The following FYB1 variants were observed in gnomAD, a reference collection of about 807,000 sequenced individuals.
FYB1 encodes the protein FYN binding protein 1, also known as FYN-binding protein 1.
Under a neutral mutation model 94.1 loss-of-function variants are expected in FYB1, and 41 were observed. The observed-to-expected ratio is 0.44, with a 90% CI of 0.34 to 0.57. The LOEUF (loss-of-function observed/expected upper bound fraction) is 0.57, where lower values mean the gene tolerates loss of function less well. FYB1 is among the 20% of genes least tolerant of loss of function. The pLI is 0.02. For synonymous variants in FYB1, 367 were observed against 353.2 expected, an observed-to-expected ratio of 1.04 and a Z score of -0.44; for missense variants, 1,050 against 976.8, an observed-to-expected ratio of 1.07 and a Z score of -1.00.
intron 1 of FYB1, among the ~76,000 whole-genome samples, chr5:39,248,378 A>T (rs771778332): frequency 6.6e-6 from 1 of 152,082 alleles, no homozygotes; most frequent in Non-Finnish European, 1.5e-5. Flanking sequence ...CAGTTCTTTG[A>T]GGTGGGGAGA....
chr5:39,114,990 G>C (rs1438122452), intron 16 of FYB1, among the ~76,000 whole-genome samples: 1 of 152,070 alleles, frequency 6.6e-6, no homozygotes, highest in Non-Finnish European at 1.5e-5. Flanking sequence ...GTGGCTAGGA[G>C]TAGGTACTGG....
At chr5:39,198,225 G>A (rs920527575) in intron 2 of FYB1, among the ~76,000 whole-genome samples, 2 of 152,116 alleles carry the variant, frequency 1.3e-5, no homozygotes, top group Non-Finnish European at 2.9e-5. Context: ...CACGGAAAGA[G>A]GTAAAGCGAA....
At chr5:39,233,719 G>T (rs1306411182) in intron 1 of FYB1, among the ~76,000 whole-genome samples, 1 of 152,090 alleles carries the variant, frequency 6.6e-6, no homozygotes, top group Non-Finnish European at 1.5e-5. Context: ...TGTTTGCTCT[G>T]CATTCAGTCT....
chr5:39,127,336 G>A, intron 11 of FYB1, among the ~76,000 whole-genome samples: 1 of 150,780 alleles, frequency 6.6e-6, no homozygotes, highest in East Asian at 1.9e-4. Context: ...AAACTCTTCA[G>A]GGATTGTTGT....
chr5:39,242,246 T>A (rs1236314505), intron 1 of FYB1, among the ~76,000 whole-genome samples: 3 of 151,810 alleles, frequency 2.0e-5, no homozygotes, highest in Non-Finnish European at 4.4e-5. Flanking sequence ...CCTATTAACT[T>A]GTCATTTACA....
chr5:39,168,687 TAAA>T (rs1474754442), intron 2 of FYB1, among the ~76,000 whole-genome samples: 1 of 152,216 alleles, frequency 6.6e-6, no homozygotes. Context: ...AAAATTAAGT[TAAA>T]AACCGTAGTC....
At chr5:39,137,753 T>A (rs1453194409) in intron 6 of FYB1, 33 bp from the exon 7 acceptor site, 2 of 1,550,016 alleles carry the variant, frequency 1.3e-6, no homozygotes, top group African/African-American at 2.7e-5. Flanking sequence ...TGTTTTCACA[T>A]CTGCAGGTGT....
chr5:39,131,273 A>G (rs116828405), intron 9 of FYB1, among the ~76,000 whole-genome samples: 4,241 of 152,248 alleles, frequency 0.028, 96 homozygotes, highest in Non-Finnish European at 0.039. Flanking sequence ...CTGTGAGATC[A>G]AAGGAAATGT....
rs1353948241 is a variant in FYB1 at position 39,126,152 on chromosome 5, C to T, written c.1908-17G>A. 1.2e-6 allele frequency: 2 copies of T among 1,611,700 alleles called. No homozygotes were observed. Among genetic ancestry groups the T allele is most frequent in the African/African-American group, 2.7e-5 (2 of 74,892 alleles). ...AGTGTGGAGCTTTGGAGCATGCAGG[C>T]ATTGATCAGAATGTAATAATCAGCG... On this transcript the variant is annotated splice_polypyrimidine_tract_variant and intron_variant, in intron 11 of 18. Transcript: ENST00000512982.
At chr5:39,120,942 T>C (rs1740036132) in intron 14 of FYB1, among the ~76,000 whole-genome samples, 1 of 151,972 alleles carries the variant, frequency 6.6e-6, no homozygotes, top group Non-Finnish European at 1.5e-5. Flanking sequence ...ACGTGAAAGT[T>C]AGAAATGCCC....
At chr5:39,257,873 AC>A (rs1752026356) in intron 1 of FYB1, among the ~76,000 whole-genome samples, 1 of 152,062 alleles carries the variant, frequency 6.6e-6, no homozygotes, top group Non-Finnish European at 1.5e-5. Flanking sequence ...TGGCACTCAA[AC>A]AGCTGCATAC....
chr5:39,121,399 C>T (rs1004827282), intron 14 of FYB1, among the ~76,000 whole-genome samples: 2 of 152,020 alleles, frequency 1.3e-5, no homozygotes, highest in African/African-American at 4.8e-5. Context: ...CCTTCAGAGT[C>T]TTTGATTTTG....
At chr5:39,251,532 G>A (rs1302055711) in intron 1 of FYB1, among the ~76,000 whole-genome samples, 1 of 152,106 alleles carries the variant, frequency 6.6e-6, no homozygotes, top group Non-Finnish European at 1.5e-5. Flanking sequence ...AATAGGTAGG[G>A]CTACTTGAGT....
chr5:39,236,987 C>T (rs1247888830), intron 1 of FYB1, among the ~76,000 whole-genome samples: 1 of 152,066 alleles, frequency 6.6e-6, no homozygotes, highest in Non-Finnish European at 1.5e-5. Flanking sequence ...GGAAGTTGCA[C>T]AAATATAAGA....
chr5:39,230,112 A>G (rs543150489), intron 1 of FYB1, among the ~76,000 whole-genome samples: 1 of 152,324 alleles, frequency 6.6e-6, no homozygotes, highest in African/African-American at 2.4e-5. Context: ...TATCCCAGGA[A>G]CTGTGAATAT....
In FYB1 at chr5:39,141,022, A is replaced by G. The variant is rs531643230; in HGVS notation, c.1339+73T>C. 3.2e-5 allele frequency: 33 copies of G among 1,037,218 alleles called. No individual in the cohort carries two copies. In the African/African-American group the frequency reaches 3.2e-4, roughly 10 times the overall value. The allele number at this position is 1,037,218 out of a possible 1,614,324, so 64.3% of individuals were successfully genotyped here. On this transcript the variant is annotated intron_variant, in intron 4 of 18. Transcript: ENST00000512982. The stretch of plus-strand genomic sequence containing the variant: ...ATGATAATGACCCATTAATGAGCCT[A>G]TAAGAATGAATAGCTCAAACTTCTG...
chr5:39,119,695 A>G (rs933908243), intron 14 of FYB1, 61 bp from the exon 15 acceptor site: 7 of 1,380,748 alleles, frequency 5.1e-6, no homozygotes, highest in Admixed American at 7.1e-5. Context: ...AGAATAGTCC[A>G]TAACAGAGAC....
intron 1 of FYB1, among the ~76,000 whole-genome samples, chr5:39,204,821 CAG>C (rs1436942413): frequency 6.6e-6 from 1 of 152,190 alleles, no homozygotes; most frequent in African/African-American, 2.4e-5. Context: ...AAAGCTAACA[CAG>C]AGCAGCAAAT....
At chr5:39,232,464 T>C (rs756522440) in intron 1 of FYB1, among the ~76,000 whole-genome samples, 28 of 152,116 alleles carry the variant, frequency 1.8e-4, no homozygotes, top group Non-Finnish European at 3.2e-4. Flanking sequence ...TCCTCTCAAA[T>C]TGAAATTAAA....
Sources: allele counts gnomAD v4.1 joint callset (sites outside exome capture counted in the v4.1 genomes callset), GRCh38; gene constraint gnomAD v4.1.1; transcripts MANE v1.5; gene names NCBI Gene and HGNC (gene_info 2026-07-23, HGNC 2026-07-21).